EML5: variants seen among roughly 807,000 people sequenced by gnomAD.
EML5 encodes the protein echinoderm microtubule-associated protein-like 5.
EML5 carries 120 observed loss-of-function variants against 250.0 expected under a neutral mutation model. The observed-to-expected ratio is 0.48, with a 90% confidence interval of 0.41 to 0.56. The LOEUF (loss-of-function observed/expected upper bound fraction) is 0.56, where lower values mean the gene tolerates loss of function less well. Among genes scored for constraint, EML5 ranks in the 20% least tolerant of loss-of-function variants. The probability of loss-of-function intolerance (pLI) is 0.00; values close to 1 mark genes in which losing one functional copy is unlikely to be tolerated. For synonymous variants in EML5, 771 were observed against 806.5 expected (o/e 0.96, Z 0.75); for missense variants, 2,006 against 2,437.6 (o/e 0.82, Z 3.73).
chr14:88,693,937 A>AT (rs546736691), intron 17 of EML5, among the ~76,000 whole-genome samples: 2,827 of 137,248 alleles, frequency 0.021, 92 homozygotes, highest in African/African-American at 0.061. Context: ...TGCCCAGCTA[A>AT]TTTTTTTTTT....
intron 21 of EML5, among the ~76,000 whole-genome samples, chr14:88,674,272 AAACAACAAC>A (rs57011514): frequency 6.6e-6 from 1 of 152,112 alleles, no homozygotes; most frequent in African/African-American, 2.4e-5. Flanking sequence ...TTCATCTCAA[AAACAACAAC>A]AACAACAACA....
In EML5 at chr14:88,708,779, T is replaced by C. The variant is rs535120816; in HGVS notation, c.1658-2353A>G. Among the ~76,000 whole-genome samples the C allele has an allele frequency of 2.0e-5, 3 of 152,236 alleles. 1 individual carries two copies. The South Asian group carries it at 6.2e-4, about 32-fold the overall frequency. ...CCATTTTCTCAGTTTTAAATGTAAA[T>C]TGGATTATATGCTCACAAGGTACCT... On this transcript the variant is annotated intron_variant, in intron 10 of 43. Coordinates refer to ENST00000554922, the MANE Select transcript of EML5 (RefSeq NM_183387.3).
intron 23 of EML5, 125 bp from the exon 24 acceptor site, chr14:88,663,244 G>C (rs1595429411): frequency 1.9e-6 from 1 of 518,920 alleles, no homozygotes; most frequent in East Asian, 3.4e-5. Flanking sequence ...TTCTGCTGCA[G>C]TCAACTTATA....
Position 88,690,940 on chromosome 14 carries a change from T to C in EML5, c.2540-2467A>G, listed in dbSNP as rs116693535. On this transcript the variant is annotated intron_variant, in intron 17 of 43. Coordinates refer to ENST00000554922, the MANE Select transcript of EML5 (RefSeq NM_183387.3). The stretch of plus-strand genomic sequence containing the variant: ...CTACCTGTTTTTGTACAATGTCCAC[T>C]AGAGCAGGTTAGCACTCTGAGCTGC... Among the ~76,000 whole-genome samples, 281 of 152,304 alleles carry C rather than the reference T, an allele frequency of 1.8e-3. 1 individual carries two copies. Among genetic ancestry groups the C allele is most frequent in the African/African-American group, 6.4e-3 (268 of 41,580 alleles).
chr14:88,698,450 A>G (rs531658848), intron 14 of EML5, among the ~76,000 whole-genome samples: 211 of 151,782 alleles, frequency 1.4e-3, no homozygotes, highest in Admixed American at 3.4e-3. Context: ...TATTTTTTGT[A>G]AAGATGGGGT....
chr14:88,771,285 TA>T (rs1486758479), intron 1 of EML5, among the ~76,000 whole-genome samples: 3 of 152,238 alleles, frequency 2.0e-5, no homozygotes, highest in Non-Finnish European at 4.4e-5. Context: ...GTCTTGTACT[TA>T]ATGATTAACA....
intron 21 of EML5, among the ~76,000 whole-genome samples, chr14:88,667,198 T>C (rs1219333504): frequency 2.0e-5 from 3 of 152,218 alleles, no homozygotes; most frequent in African/African-American, 4.8e-5. Context: ...GACAATTTAA[T>C]ATATGAATCC....
intron 25 of EML5, among the ~76,000 whole-genome samples, chr14:88,659,235 G>A (rs2091982569): frequency 6.7e-6 from 1 of 149,924 alleles, no homozygotes; most frequent in Non-Finnish European, 1.5e-5. Flanking sequence ...TAGGAATGAC[G>A]ACTCTCTTTT....
At position 88,614,248 on chromosome 14, in the gene EML5, T is replaced by G. The variant is rs1033717717; in HGVS notation, c.*1570A>C. 6.6e-6 allele frequency: 1 copy of G among 152,166 alleles called. No individual in the cohort carries two copies. Among genetic ancestry groups the G allele is most frequent in the African/African-American group, 2.4e-5 (1 of 41,446 alleles). The allele number at this position is 152,166 out of a possible 1,614,324, so 9.4% of individuals were successfully genotyped here. ...TATTGACTGACTGTAAATACATGAG[T>G]AGAAACTTAATAGTCATGTATTTCA... On this transcript the variant is annotated 3_prime_UTR_variant, in exon 44 of 44. Coordinates refer to ENST00000554922, the MANE Select transcript of EML5 (RefSeq NM_183387.3).
At chr14:88,760,049 G>A (rs1288137333) in intron 1 of EML5, among the ~76,000 whole-genome samples, 1 of 152,142 alleles carries the variant, frequency 6.6e-6, no homozygotes, top group Non-Finnish European at 1.5e-5. Context: ...AGTTTTCAAA[G>A]TATTTCATAT....
chr14:88,636,926 T>C (rs963411953), intron 32 of EML5, among the ~76,000 whole-genome samples: 1 of 152,108 alleles, frequency 6.6e-6, no homozygotes, highest in Admixed American at 6.6e-5. Flanking sequence ...GAGGACAAAA[T>C]GATATACTTG....
chr14:88,774,917 CAAAT>C (rs903706160), intron 1 of EML5, among the ~76,000 whole-genome samples: 13 of 152,190 alleles, frequency 8.5e-5, no homozygotes, highest in African/African-American at 3.1e-4. Context: ...CAGATAATCT[CAAAT>C]AGAACACTTC....
Position 88,615,793 on chromosome 14 carries a change from A to C in EML5, c.*25T>G, listed in dbSNP as rs748414114. ...CTCTGTAATTCTGGTCTCAAAGTTAATTTCTGTAGTCATCTCAGCATCTCT... is the reference window on the plus strand; with the variant it reads ...CTCTGTAATTCTGGTCTCAAAGTTACTTTCTGTAGTCATCTCAGCATCTCT... On this transcript the variant is annotated 3_prime_UTR_variant, in exon 44 of 44. Transcript: ENST00000554922. 1.9e-6 allele frequency: 3 copies of C among 1,606,260 alleles called. No homozygotes were observed. The Admixed American group carries it at 5.1e-5, about 27-fold the overall frequency.
At chr14:88,774,447 A>G (rs772328180) in intron 1 of EML5, among the ~76,000 whole-genome samples, 26 of 152,218 alleles carry the variant, frequency 1.7e-4, no homozygotes, top group Non-Finnish European at 2.8e-4. Context: ...TGTACCAATA[A>G]TGACATGACT....
intron 39 of EML5, chr14:88,619,160 G>GT (rs1296148149): frequency 6.0e-6 from 1 of 165,742 alleles, no homozygotes; most frequent in African/African-American, 2.4e-5. Flanking sequence ...GAGGTCGAGA[G>GT]TTTGAGACCA....
At chr14:88,644,598 T>C in intron 29 of EML5, 87 bp from the exon 30 acceptor site, 1 of 1,225,840 alleles carries the variant, frequency 8.2e-7, no homozygotes, top group Non-Finnish European at 1.2e-6. Flanking sequence ...CAGAGAGGTG[T>C]CTTGTCACAC....
At chr14:88,735,048 G>T (rs1179280065) in intron 7 of EML5, among the ~76,000 whole-genome samples, 1 of 151,980 alleles carries the variant, frequency 6.6e-6, no homozygotes. Context: ...ATCTTTTAAA[G>T]ATACAAACAG....
chr14:88,694,577 A>C (rs891341181), intron 16 of EML5, among the ~76,000 whole-genome samples, 170 bp from the exon 17 acceptor site: 1 of 152,104 alleles, frequency 6.6e-6, no homozygotes, highest in Non-Finnish European at 1.5e-5. Context: ...TAATATGGTA[A>C]CTCTGCTCAA....
intron 1 of EML5, among the ~76,000 whole-genome samples, chr14:88,791,829 G>A (rs941090692): frequency 6.6e-6 from 1 of 152,172 alleles, no homozygotes; most frequent in South Asian, 2.1e-4. Context: ...GCCAGGAGGT[G>A]AGAGCCCTTC....
Sources: gnomAD v4.1 joint callset for allele counts (sites outside exome capture counted in the v4.1 genomes callset) on GRCh38, gnomAD v4.1.1 for gene constraint, MANE v1.5 for transcripts, NCBI Gene and HGNC (gene_info 2026-07-23, HGNC 2026-07-21) for gene names.